Variants in SLC25A20 observed in about 807,000 individuals in gnomAD.
SLC25A20 encodes the protein solute carrier family 25 member 20.
In SLC25A20, 29 loss-of-function variants were observed where a neutral mutation model predicts 39.7. That is an observed-to-expected ratio of 0.73 (90% CI 0.54 to 1.00). The LOEUF is 1.00. SLC25A20 is among the 50% of genes least tolerant of loss of function. SLC25A20 has a pLI of 0.00. For synonymous variants in SLC25A20, 103 were observed against 142.2 expected, an observed-to-expected ratio of 0.72 and a Z score of 1.96; for missense variants, 333 against 379.9, an observed-to-expected ratio of 0.88 and a Z score of 1.03.
At chr3:48,889,034 G>A (rs1328802590) in intron 2 of SLC25A20, among the ~76,000 whole-genome samples, 1 of 151,578 alleles carries the variant, frequency 6.6e-6, no homozygotes, top group Non-Finnish European at 1.5e-5. Flanking sequence ...AGATTGCGGT[G>A]AGCCAAGATT....
chr3:48,879,841 G>C (rs1455311569), intron 3 of SLC25A20, among the ~76,000 whole-genome samples: 1 of 152,132 alleles, frequency 6.6e-6, no homozygotes, highest in Admixed American at 6.6e-5. Context: ...ACATGCTGGG[G>C]TTTTTGTGGG....
chr3:48,879,969 G>A (rs1354373367), intron 3 of SLC25A20, among the ~76,000 whole-genome samples: 3 of 152,166 alleles, frequency 2.0e-5, no homozygotes, highest in African/African-American at 4.8e-5. Context: ...AAGCAGGACA[G>A]CTTCAAGGCC....
chr3:48,870,708 G>C (rs2083708408), intron 4 of SLC25A20, among the ~76,000 whole-genome samples: 1 of 150,062 alleles, frequency 6.7e-6, no homozygotes, highest in South Asian at 2.1e-4. Context: ...ATGGGGTTTC[G>C]CTATATTGCC....
chr3:48,882,152 T>A (rs2083800149), intron 3 of SLC25A20, among the ~76,000 whole-genome samples: 1 of 152,218 alleles, frequency 6.6e-6, no homozygotes, highest in Non-Finnish European at 1.5e-5. Flanking sequence ...GGATACCTTT[T>A]CACCCAATAT....
At chr3:48,888,524 G>A (rs941481773) in intron 2 of SLC25A20, among the ~76,000 whole-genome samples, 25 of 151,414 alleles carry the variant, frequency 1.7e-4, no homozygotes, top group African/African-American at 6.1e-4. Context: ...GACCGAGATT[G>A]CGCCACTGCA....
At position 48,859,079 on chromosome 3, in the gene SLC25A20, A is replaced by G; in HGVS notation, c.718+13T>C. The stretch of plus-strand genomic sequence containing the variant: ...CCACTCTCCCCCTGTCCACCCCACT[A>G]CCTTCCACTCACCAGTCTGGAATCG... On this transcript the variant is annotated intron_variant, in intron 7 of 8. Transcript: ENST00000319017. The G allele has an allele frequency of 6.2e-7, 1 of 1,608,070 alleles. No homozygotes were observed. The highest frequency in any genetic ancestry group is 8.5e-7 in the Non-Finnish European group (1 of 1,175,040).
At position 48,857,562 on chromosome 3, in the gene SLC25A20, G is replaced by A; in HGVS notation, c.*148C>T. On this transcript the variant is annotated 3_prime_UTR_variant, in exon 9 of 9. Coordinates refer to ENST00000319017, the MANE Select transcript of SLC25A20 (RefSeq NM_000387.6). ...TATACACGGTGCAGGATGTCATTAAGGCAACAGTCTCACCAAGTCCATGCA... is the reference window on the plus strand; with the variant it reads ...TATACACGGTGCAGGATGTCATTAAAGCAACAGTCTCACCAAGTCCATGCA... The A allele has an allele frequency of 1.4e-6, 1 of 715,728 alleles. No individual in the cohort carries two copies. Among genetic ancestry groups the A allele is most frequent in the Non-Finnish European group, 2.5e-6 (1 of 392,970 alleles). 44.3% of individuals were successfully genotyped at this position (715,728 alleles called of 1,614,324 possible).
At chr3:48,897,076 CTT>C (rs11390016) in intron 1 of SLC25A20, among the ~76,000 whole-genome samples, 26 of 129,540 alleles carry the variant, frequency 2.0e-4, no homozygotes, top group Non-Finnish European at 2.2e-4. Flanking sequence ...TCTTCTTCTC[CTT>C]TTTTTTTTTT....
chr3:48,891,476 T>G (rs1368095592), intron 2 of SLC25A20, among the ~76,000 whole-genome samples: 2 of 152,138 alleles, frequency 1.3e-5, no homozygotes, highest in Non-Finnish European at 2.9e-5. Context: ...GGAGTGATCC[T>G]CCCACCTCAG....
At chr3:48,860,791 A>C (rs2083620555) in intron 5 of SLC25A20, among the ~76,000 whole-genome samples, 1 of 151,416 alleles carries the variant, frequency 6.6e-6, no homozygotes, top group Non-Finnish European at 1.5e-5. Flanking sequence ...CTGTCTCAAA[A>C]AAAAAAGAAA....
In SLC25A20 at chr3:48,857,802, C is replaced by T. The variant is rs147955193; in HGVS notation, c.844-30G>A. The stretch of plus-strand genomic sequence containing the variant: ...GAAGGGATTGGGAGGAAGAAAAAAG[C>T]CAGCAGGAATAACTATTCATAGACT... On this transcript the variant is annotated intron_variant, in intron 8 of 8. Coordinates refer to ENST00000319017, the MANE Select transcript of SLC25A20 (RefSeq NM_000387.6). 1.1e-4 allele frequency: 171 copies of T among 1,601,912 alleles called. 1 individual carries two copies. In the African/African-American group the frequency reaches 1.2e-3, roughly 11 times the overall value.
At chr3:48,891,914 G>T in intron 2 of SLC25A20, 66 bp downstream of exon 2, 2 of 1,275,354 alleles carry the variant, frequency 1.6e-6, no homozygotes, top group East Asian at 2.3e-5. Context: ...TACTCTCCTT[G>T]GGGGTAACAA....
Position 48,886,455 on chromosome 3 carries a change from G to A in SLC25A20, c.199-2331C>T, listed in dbSNP as rs534732678. 1.4e-4 allele frequency among the ~76,000 whole-genome samples: 22 copies of A among 151,878 alleles called. No homozygotes were observed. The South Asian group carries it at 3.3e-3, about 23-fold the overall frequency. ...AGGAGGATCGCTTGAACCGGGAGGC[G>A]GAGGTTGCAGTGAGCCGAGATCGCG... On this transcript the variant is annotated intron_variant, in intron 2 of 8. Coordinates refer to ENST00000319017, the MANE Select transcript of SLC25A20 (RefSeq NM_000387.6).
At chr3:48,857,909 A>G (rs2083592454) in intron 8 of SLC25A20, 137 bp from the exon 9 acceptor site, 1 of 694,050 alleles carries the variant, frequency 1.4e-6, no homozygotes, top group Non-Finnish European at 2.6e-6. Context: ...CAAGGATGCA[A>G]GCTCTACTCT....
At chr3:48,897,367 A>T (rs147603311) in intron 1 of SLC25A20, among the ~76,000 whole-genome samples, 15,120 of 83,624 alleles carry the variant, frequency 0.18, 1,553 homozygotes, top group Non-Finnish European at 0.22. Context: ...ATATATATAT[A>T]TTTTTTTTTT....
intron 5 of SLC25A20, among the ~76,000 whole-genome samples, chr3:48,859,840 T>C: frequency 6.6e-6 from 1 of 152,114 alleles, no homozygotes; most frequent in South Asian, 2.1e-4. Context: ...CATTAGCGTA[T>C]GGTAGTAATT....
intron 1 of SLC25A20, among the ~76,000 whole-genome samples, chr3:48,894,744 T>A (rs1000414178): frequency 6.6e-6 from 1 of 152,250 alleles, no homozygotes; most frequent in African/African-American, 2.4e-5. Flanking sequence ...TCCTGCCTCA[T>A]TGGAGGAAAC....
At chr3:48,888,119 A>G (rs957877709) in intron 2 of SLC25A20, among the ~76,000 whole-genome samples, 9 of 150,292 alleles carry the variant, frequency 6.0e-5, no homozygotes, top group African/African-American at 2.2e-4. Context: ...AGGCAGGAGA[A>G]TCACTTGAAC....
chr3:48,898,025 G>A (rs1048983697), intron 1 of SLC25A20, among the ~76,000 whole-genome samples: 2 of 152,200 alleles, frequency 1.3e-5, no homozygotes, highest in Admixed American at 6.6e-5. Flanking sequence ...GCCTCAGTCT[G>A]ACCATAGCTT....
Sources: allele counts gnomAD v4.1 joint callset (sites outside exome capture counted in the v4.1 genomes callset), GRCh38; gene constraint gnomAD v4.1.1; transcripts MANE v1.5; gene names NCBI Gene and HGNC (gene_info 2026-07-23, HGNC 2026-07-21).